SHROOM3: variants seen among roughly 807,000 people sequenced by gnomAD.
SHROOM3 encodes shroom family member 3, also known as protein Shroom3.
Under a neutral mutation model 138.6 loss-of-function variants are expected in SHROOM3, and 47 were observed. The ratio of observed to expected loss-of-function variants is 0.34; its 90% CI spans 0.27 to 0.43. The LOEUF (loss-of-function observed/expected upper bound fraction) is 0.43, where lower values mean the gene tolerates loss of function less well. SHROOM3 is among the 20% of genes least tolerant of loss of function. The probability of loss-of-function intolerance (pLI) is 1.00; values close to 1 mark genes in which losing one functional copy is unlikely to be tolerated. For synonymous variants in SHROOM3, 1,062 were observed against 1,063.3 expected (o/e 1.00, Z 0.02); for missense variants, 2,491 against 2,596.5 (o/e 0.96, Z 0.88).
At chr4:76,541,383 A>G (rs1733093696) in intron 1 of SHROOM3, among the ~76,000 whole-genome samples, 1 of 152,194 alleles carries the variant, frequency 6.6e-6, no homozygotes, top group Non-Finnish European at 1.5e-5. Flanking sequence ...AATTAAATAA[A>G]ATATAAATGA....
At chr4:76,770,994 T>TTGTG in intron 10 of SHROOM3, 96 bp downstream of exon 10, 1 of 1,502,978 alleles carries the variant, frequency 6.7e-7, no homozygotes. Flanking sequence ...TCAGGAAGAT[T>TTGTG]TGTGGCAATC....
chr4:76,466,554 C>G (rs1008734866), intron 1 of SHROOM3, among the ~76,000 whole-genome samples: 1 of 152,204 alleles, frequency 6.6e-6, no homozygotes, highest in East Asian at 1.9e-4. Flanking sequence ...ACTGCCAACT[C>G]TGTAATACGT....
Position 76,770,324 on chromosome 4 carries a change from C to CAA in SHROOM3, c.5350-276_5350-275dup, listed in dbSNP as rs529468839. Among the ~76,000 whole-genome samples, 145 of 36,092 alleles carry CAA rather than the reference C, an allele frequency of 4.0e-3. 9 individuals carry two copies. The highest frequency in any genetic ancestry group is 4.7e-3 in the African/African-American group (54 of 11,428). The allele number at this position is 36,092 out of a possible 152,430, so 23.7% of individuals were successfully genotyped here. On this transcript the variant is annotated intron_variant, in intron 9 of 10. Transcript: ENST00000296043. Reference sequence around the variant, plus strand: ...GGGTGACAAGAGCCAAACTCTGTCTCAAAAAAAAAAAAAAAAAAAAAAAAA... The same window carrying CAA: ...GGGTGACAAGAGCCAAACTCTGTCTCAAAAAAAAAAAAAAAAAAAAAAAAAAA...
chr4:76,576,654 G>T (rs1443803873), intron 2 of SHROOM3, among the ~76,000 whole-genome samples: 1 of 151,948 alleles, frequency 6.6e-6, no homozygotes, highest in Non-Finnish European at 1.5e-5. Context: ...CGTGTAGTTG[G>T]GTAGTTTGTA....
chr4:76,683,352 C>G (rs1275054846), intron 2 of SHROOM3, among the ~76,000 whole-genome samples: 1 of 152,056 alleles, frequency 6.6e-6, no homozygotes, highest in Non-Finnish European at 1.5e-5. Context: ...TGTGTTCTTC[C>G]TTGGTCATGT....
At chr4:76,775,131 C>T (rs912541072) in intron 10 of SHROOM3, among the ~76,000 whole-genome samples, 3 of 152,066 alleles carry the variant, frequency 2.0e-5, no homozygotes, top group Non-Finnish European at 4.4e-5. Context: ...GCTGAGTCCC[C>T]GAAGTCCTTT....
intron 3 of SHROOM3, among the ~76,000 whole-genome samples, chr4:76,711,596 G>T (rs1313718980): frequency 6.6e-6 from 1 of 152,144 alleles, no homozygotes; most frequent in Non-Finnish European, 1.5e-5. Context: ...TGGAGGCTGA[G>T]GTGGGAGGAT....
chr4:76,555,481 G>A (rs1293626012), intron 1 of SHROOM3, 128 bp from the exon 2 acceptor site: 5 of 1,362,100 alleles, frequency 3.7e-6, no homozygotes, highest in Non-Finnish European at 4.1e-6. Context: ...CTGGCTGCAA[G>A]CGCTGGGGTG....
At chr4:76,718,334 A>G (rs537910386) in intron 3 of SHROOM3, among the ~76,000 whole-genome samples, 4 of 150,478 alleles carry the variant, frequency 2.7e-5, no homozygotes, top group African/African-American at 9.8e-5. Flanking sequence ...TCTCTATTGT[A>G]AAATTTCTTG....
At chr4:76,588,851 T>C (rs990895956) in intron 2 of SHROOM3, among the ~76,000 whole-genome samples, 6 of 151,958 alleles carry the variant, frequency 3.9e-5, no homozygotes, top group African/African-American at 1.5e-4. Flanking sequence ...TAGCACTCCT[T>C]GTTAGGCCAA....
chr4:76,504,814 C>G (rs1165930871), intron 1 of SHROOM3, among the ~76,000 whole-genome samples: 1 of 152,132 alleles, frequency 6.6e-6, no homozygotes. Context: ...AGCAATCTAT[C>G]ATTACTATCA....
At chr4:76,603,812 A>G (rs1734559078) in intron 2 of SHROOM3, among the ~76,000 whole-genome samples, 2 of 136,616 alleles carry the variant, frequency 1.5e-5, no homozygotes, top group Non-Finnish European at 1.6e-5. Context: ...AACTCCCCTT[A>G]TGAGTGAGAA....
At chr4:76,711,500 C>A (rs965343458) in intron 3 of SHROOM3, among the ~76,000 whole-genome samples, 1 of 152,132 alleles carries the variant, frequency 6.6e-6, no homozygotes, top group African/African-American at 2.4e-5. Context: ...CAAGACCAGC[C>A]TGGGCAAAAT....
intron 1 of SHROOM3, among the ~76,000 whole-genome samples, chr4:76,544,131 A>G (rs1733161947): frequency 6.6e-6 from 1 of 152,212 alleles, no homozygotes; most frequent in African/African-American, 2.4e-5. Context: ...AATTTGCACT[A>G]TAGTACGTTC....
At chr4:76,478,663 A>G (rs1731539889) in intron 1 of SHROOM3, among the ~76,000 whole-genome samples, 1 of 151,984 alleles carries the variant, frequency 6.6e-6, no homozygotes, top group Non-Finnish European at 1.5e-5. Context: ...TGGGTTCATG[A>G]CCCCCTTGCC....
At chr4:76,537,099 C>A (rs551141842) in intron 1 of SHROOM3, among the ~76,000 whole-genome samples, 1 of 152,010 alleles carries the variant, frequency 6.6e-6, no homozygotes, top group South Asian at 2.1e-4. Context: ...GGTGACAGAG[C>A]GAGACTCCAT....
chr4:76,670,663 A>G (rs1718852563), intron 2 of SHROOM3, among the ~76,000 whole-genome samples: 1 of 152,260 alleles, frequency 6.6e-6, no homozygotes, highest in Admixed American at 6.5e-5. Flanking sequence ...AAATCAAGAA[A>G]GAGATTTTGG....
intron 1 of SHROOM3, among the ~76,000 whole-genome samples, chr4:76,446,183 G>A (rs1730800996): frequency 6.6e-6 from 1 of 152,124 alleles, no homozygotes; most frequent in Non-Finnish European, 1.5e-5. Flanking sequence ...TCTTGCTGAA[G>A]GTCATAAAAC....
At chr4:76,459,872 T>G in intron 1 of SHROOM3, among the ~76,000 whole-genome samples, 1 of 152,162 alleles carries the variant, frequency 6.6e-6, no homozygotes, top group East Asian at 1.9e-4. Context: ...GCCAATGGCC[T>G]TACAACCTTG....
Sources: gnomAD v4.1 joint callset for allele counts (sites outside exome capture counted in the v4.1 genomes callset) on GRCh38, gnomAD v4.1.1 for gene constraint, MANE v1.5 for transcripts, NCBI Gene and HGNC (gene_info 2026-07-23, HGNC 2026-07-21) for gene names.